The following PIK3C2G variants were observed in gnomAD, a reference collection of about 807,000 sequenced individuals.
PIK3C2G encodes phosphatidylinositol 3-kinase C2 domain-containing subunit gamma.
In PIK3C2G, 168 loss-of-function variants were observed where a neutral mutation model predicts 181.1. The ratio of observed to expected loss-of-function variants is 0.93; its 90% confidence interval spans 0.82 to 1.05. The LOEUF (loss-of-function observed/expected upper bound fraction) is 1.05, where lower values mean the gene tolerates loss of function less well. Among genes scored for constraint, PIK3C2G ranks in the 50% least tolerant of loss-of-function variants. The probability of loss-of-function intolerance (pLI) is 0.00; values close to 1 mark genes in which losing one functional copy is unlikely to be tolerated. For missense variants in PIK3C2G, 1,869 were observed against 1,732.8 expected, an observed-to-expected ratio of 1.08 and a Z score of -1.40; for synonymous variants, 573 against 592.2, an observed-to-expected ratio of 0.97 and a Z score of 0.47.
At position 18,637,506 on chromosome 12, in the gene PIK3C2G, A is replaced by G. The variant is rs544058621; in HGVS notation, c.4183-2923A>G. ...TAGCCTACATCATGCGTCTGCAGGA[A>G]TCAGACTGTTCTGATAGCTGCTTTG... is the stretch of plus-strand genomic sequence containing the variant. On this transcript the variant is annotated intron_variant, in intron 31 of 32. Transcript: ENST00000538779. 7.5e-4 allele frequency among the ~76,000 whole-genome samples: 114 copies of G among 152,242 alleles called. 3 individuals are homozygous for G. The South Asian group carries it at 0.023, about 31-fold the overall frequency.
intron 24 of PIK3C2G, among the ~76,000 whole-genome samples, chr12:18,534,014 A>G (rs1301366834): frequency 7.0e-6 from 1 of 142,078 alleles, no homozygotes; most frequent in East Asian, 2.1e-4. Context: ...CAGTGGCACA[A>G]TCTTGGCTCA....
At chr12:18,475,373 A>AACACACACACAC (rs57853875) in intron 18 of PIK3C2G, among the ~76,000 whole-genome samples, 2,515 of 139,876 alleles carry the variant, frequency 0.018, 31 homozygotes, top group Middle Eastern at 0.03. Flanking sequence ...CCACCACCCC[A>AACACACACACAC]ACACACACAC....
At chr12:18,439,887 C>T (rs1345496148) in intron 18 of PIK3C2G, among the ~76,000 whole-genome samples, 6 of 151,910 alleles carry the variant, frequency 3.9e-5, no homozygotes, top group Admixed American at 2.0e-4. Context: ...TTGTAAAATA[C>T]GTTTATTTTA....
intron 8 of PIK3C2G, among the ~76,000 whole-genome samples, chr12:18,338,077 T>TGCTTTCCCC: frequency 6.6e-6 from 1 of 152,186 alleles, no homozygotes; most frequent in African/African-American, 2.4e-5. Context: ...TGAGTTTCCC[T>TGCTTTCCCC]GCTTTCCCCA....
At chr12:18,598,738 C>T (rs1347516061) in intron 30 of PIK3C2G, among the ~76,000 whole-genome samples, 1 of 147,694 alleles carries the variant, frequency 6.8e-6, no homozygotes, top group Non-Finnish European at 1.5e-5. Flanking sequence ...AAAATTTTCG[C>T]AACCTACTCA....
intron 28 of PIK3C2G, among the ~76,000 whole-genome samples, chr12:18,564,652 G>T (rs1444498183): frequency 6.6e-6 from 1 of 151,960 alleles, no homozygotes; most frequent in Non-Finnish European, 1.5e-5. Flanking sequence ...GACTGAGAGG[G>T]AGGCAAAGTC....
the PIK3C2G span, among the ~76,000 whole-genome samples, chr12:18,725,433 T>C: frequency 6.6e-6 from 1 of 151,726 alleles, no homozygotes; most frequent in Non-Finnish European, 1.5e-5. Flanking sequence ...GCCACACAGG[T>C]AGACCAGGAT....
intron 14 of PIK3C2G, among the ~76,000 whole-genome samples, chr12:18,386,214 G>A (rs372723760): frequency 6.6e-6 from 1 of 152,074 alleles, no homozygotes; most frequent in African/African-American, 2.4e-5. Flanking sequence ...TCTGCAGCCC[G>A]CTGCCGTGCA....
intron 18 of PIK3C2G, among the ~76,000 whole-genome samples, chr12:18,440,818 C>T (rs1239261972): frequency 6.6e-6 from 1 of 151,990 alleles, no homozygotes; most frequent in Non-Finnish European, 1.5e-5. Context: ...ATGAAAGGCA[C>T]AATTTGGCTT....
At position 18,282,293 on chromosome 12, in the gene PIK3C2G, G is replaced by A. The variant is rs1368182752; in HGVS notation, c.212G>A (p.Trp71Ter). 6.2e-7 allele frequency: 1 copy of A among 1,613,426 alleles called. No homozygotes were observed. The highest frequency in any genetic ancestry group is 1.7e-5 in the Admixed American group (1 of 59,994). Reference protein sequence around the residue: ...NTFFVPTAPKWDSTGHSLNEA... With the variant: ...NTFFVPTAPK ...TTTTTTGTGCCCACTGCACCAAAATGGGACTCAACAGGGCATTCATTAAAT... is the reference window on the plus strand; with the variant it reads ...TTTTTTGTGCCCACTGCACCAAAATAGGACTCAACAGGGCATTCATTAAAT... Residue 71 changes from tryptophan (W) to a stop codon, truncating the protein, a stop_gained, in exon 2 of 33, where the codon TGG (tryptophan) becomes TAG (stop). Coordinates refer to ENST00000538779, the MANE Select transcript of PIK3C2G (RefSeq NM_001288772.2). LOFTEE classifies it high-confidence loss of function.
intron 31 of PIK3C2G, among the ~76,000 whole-genome samples, chr12:18,627,164 T>G (rs1454013255): frequency 2.6e-5 from 4 of 152,006 alleles, no homozygotes; most frequent in African/African-American, 9.7e-5. Flanking sequence ...GTTGAAAATT[T>G]CTATTGCATT....
chr12:18,393,521 A>G lies in PIK3C2G; in HGVS notation c.2126+2269A>G, dbSNP rs114759724. Among the ~76,000 whole-genome samples, 1,161 of 152,178 alleles carry G rather than the reference A, an allele frequency of 7.6e-3. 14 individuals carry two copies. The highest frequency in any genetic ancestry group is 0.027 in the African/African-American group (1,105 of 41,544). ...AAAATATGCCTGTGATATTTGTAAA[A>G]AATAAAAATTGAAAAAAAAACTTCT... On this transcript the variant is annotated intron_variant, in intron 15 of 32. Coordinates refer to ENST00000538779, the MANE Select transcript of PIK3C2G (RefSeq NM_001288772.2).
intron 10 of PIK3C2G, among the ~76,000 whole-genome samples, chr12:18,345,805 G>T (rs1036637042): frequency 1.3e-5 from 2 of 151,812 alleles, no homozygotes; most frequent in African/African-American, 4.9e-5. Context: ...ATAGGGAATT[G>T]CATGTTTTAA....
chr12:18,450,382 T>C (rs1036629486), intron 18 of PIK3C2G, among the ~76,000 whole-genome samples: 1 of 152,216 alleles, frequency 6.6e-6, no homozygotes, highest in African/African-American at 2.4e-5. Flanking sequence ...CGCCTCAGCC[T>C]CCCAAAGGGC....
intron 29 of PIK3C2G, among the ~76,000 whole-genome samples, chr12:18,577,776 A>T (rs1592629502): frequency 6.6e-6 from 1 of 152,230 alleles, no homozygotes; most frequent in Non-Finnish European, 1.5e-5. Context: ...AGGGTACCAT[A>T]CCTTCCTGAG....
intron 12 of PIK3C2G, among the ~76,000 whole-genome samples, chr12:18,366,738 T>C (rs1941669913): frequency 7.0e-6 from 1 of 143,548 alleles, no homozygotes. Context: ...GTTCCTTGGT[T>C]TAAAAAAAAA....
Position 18,503,282 on chromosome 12 carries a change from A to G in PIK3C2G, c.3018A>G (p.Gly1006=), listed in dbSNP as rs1941621253. 1 of 1,595,166 alleles carries G rather than the reference A, an allele frequency of 6.3e-7. No homozygotes were observed. The highest frequency in any genetic ancestry group is 8.5e-7 in the Non-Finnish European group (1 of 1,172,626). ...YRCLSTGKDQ[G]LVQMVPDAVT... ...TGTAATCTTTTTTTTCTCTACCAGG[A>G]TTGGTGCAGATGGTACCTGATGCTG... is the stretch of plus-strand genomic sequence containing the variant. The change falls in exon 23 of 33, where the codon GGA becomes GGG. Residue 1006 remains glycine, a splice_region_variant and synonymous_variant. Coordinates refer to ENST00000538779, the MANE Select transcript of PIK3C2G (RefSeq NM_001288772.2).
Position 18,567,040 on chromosome 12 carries a change from T to C in PIK3C2G, c.3994T>C (p.Ser1332Pro), listed in dbSNP as rs370513828. Reference protein sequence around the residue: ...NHYMEQILNVSHEVTNSDCVL... With the variant: ...NHYMEQILNVPHEVTNSDCVL... ...TTACATGGAACAGATATTAAATGTATCACATGAAGTTACAAACGTATGTTA... is the reference window on the plus strand; with the variant it reads ...TTACATGGAACAGATATTAAATGTACCACATGAAGTTACAAACGTATGTTA... The change falls in exon 29 of 33, where the codon TCA (serine) becomes CCA (proline). Residue 1332 changes from serine (S) to proline (P), a missense_variant. Ser to Pro is a moderately conservative substitution (Grantham distance 74). Transcript: ENST00000538779. The C allele has an allele frequency of 1.4e-6, 2 of 1,404,510 alleles. No homozygotes were observed. The highest frequency in any genetic ancestry group is 2.0e-6 in the Non-Finnish European group (2 of 996,682). The allele number at this position is 1,404,510 out of a possible 1,614,324, so 87.0% of individuals were successfully genotyped here.
chr12:18,384,441 T>C (rs1943042177), intron 14 of PIK3C2G, among the ~76,000 whole-genome samples: 1 of 152,176 alleles, frequency 6.6e-6, no homozygotes, highest in Non-Finnish European at 1.5e-5. Context: ...GATCTTTCTT[T>C]AAGAAGACAA....
Sources: allele counts gnomAD v4.1 joint callset (sites outside exome capture counted in the v4.1 genomes callset), GRCh38; gene constraint gnomAD v4.1.1; transcripts MANE v1.5; gene names NCBI Gene and HGNC (gene_info 2026-07-23, HGNC 2026-07-21).